CNGB1: variants seen among roughly 807,000 people sequenced by gnomAD.
CNGB1 encodes cyclic nucleotide-gated channel beta-1.
In CNGB1, 126 loss-of-function variants were observed where a neutral mutation model predicts 151.7. That is an observed-to-expected ratio of 0.83 (90% CI 0.72 to 0.96). CNGB1 has a LOEUF of 0.96. Among genes scored for constraint, CNGB1 ranks in the 40% least tolerant of loss-of-function variants. CNGB1 has a pLI of 0.00. For synonymous variants in CNGB1, 623 were observed against 635.1 expected, an observed-to-expected ratio of 0.98 and a Z score of 0.29; for missense variants, 1,698 against 1,627.0, an observed-to-expected ratio of 1.04 and a Z score of -0.75.
At chr16:57,908,209 G>A (rs1473634622) in intron 25 of CNGB1, among the ~76,000 whole-genome samples, 1 of 152,210 alleles carries the variant, frequency 6.6e-6, no homozygotes, top group African/African-American at 2.4e-5. Flanking sequence ...CTCTGTAAAG[G>A]CGTGGCTCCC....
intron 17 of CNGB1, among the ~76,000 whole-genome samples, chr16:57,924,559 T>C (rs1961133997): frequency 6.6e-6 from 1 of 152,118 alleles, no homozygotes; most frequent in Admixed American, 6.5e-5. Flanking sequence ...TCTGGGGACA[T>C]GGGTATGCAT....
rs564874122 is a variant in CNGB1, at chr16:57,940,263, C to T, written c.1180G>A (p.Gly394Arg). 1.3e-5 allele frequency: 20 copies of T among 1,577,578 alleles called. No homozygotes were observed. The highest frequency in any genetic ancestry group is 8.1e-5 in the South Asian group (7 of 86,026). ...QVGVGQSEED[G>R]TRPQSTSDQK... ...TCTGAAGTGCTCTGGGGCCGGGTCC[C>T]GTCTTCTTCACTCTGGCCCACGCCC... The change falls in exon 15 of 33, where the codon GGG (glycine) becomes AGG (arginine). Residue 394 changes from glycine (G) to arginine (R), a missense_variant. Physicochemically the swap from Gly to Arg is moderately radical, Grantham distance 125. Transcript: ENST00000251102.
chr16:57,966,854 C>A (rs576892314), intron 2 of CNGB1, among the ~76,000 whole-genome samples: 1 of 152,292 alleles, frequency 6.6e-6, no homozygotes, highest in Admixed American at 6.5e-5. Context: ...ACTATAATGG[C>A]AGAGTTGAGT....
intron 15 of CNGB1, 39 bp downstream of exon 15, chr16:57,940,195 C>G (rs1370394355): frequency 2.0e-6 from 3 of 1,535,362 alleles, no homozygotes; most frequent in Non-Finnish European, 2.6e-6. Context: ...CAATGCCAAG[C>G]CAGGCCTCAG....
intron 14 of CNGB1, among the ~76,000 whole-genome samples, chr16:57,944,948 CT>C (rs1371861303): frequency 2.6e-5 from 2 of 77,132 alleles, no homozygotes; most frequent in Admixed American, 1.6e-4. Flanking sequence ...GAGACTCTGT[CT>C]TTAAAAAAAA....
At chr16:57,905,803 T>C (rs1960534231) in intron 25 of CNGB1, among the ~76,000 whole-genome samples, 1 of 152,242 alleles carries the variant, frequency 6.6e-6, no homozygotes, top group African/African-American at 2.4e-5. Flanking sequence ...CTTCAAGACA[T>C]TGTCTTGGAA....
chr16:57,963,063 G>C lies in CNGB1; in HGVS notation c.292C>G (p.Pro98Ala), dbSNP rs570828500. 3.0e-5 allele frequency: 48 copies of C among 1,609,940 alleles called. No homozygotes were observed. The highest frequency in any genetic ancestry group is 4.2e-6 in the Non-Finnish European group (5 of 1,177,772). Residue 98 changes from proline (P) to alanine (A), a missense_variant and splice_region_variant, in exon 5 of 33, where the codon CCC (proline) becomes GCC (alanine). By Grantham distance (27) the Pro-to-Ala change is conservative. Coordinates refer to ENST00000251102, the MANE Select transcript of CNGB1 (RefSeq NM_001297.5). ...QGAEISEMNS[P>A]SRRVLTWLMK... Reference sequence around the variant, plus strand: ...AGCCAGGTCAGTACCCTGCGGCTGGGACTGCGATGGACAGAGACACCAGCC... The same window carrying C: ...AGCCAGGTCAGTACCCTGCGGCTGGCACTGCGATGGACAGAGACACCAGCC...
At chr16:57,960,407 C>G in intron 9 of CNGB1, 75 bp downstream of exon 9, 1 of 1,555,420 alleles carries the variant, frequency 6.4e-7, no homozygotes. Context: ...GGGGGATCCT[C>G]CAGGGCCCAG....
At chr16:57,954,679 A>G (rs989006928) in intron 12 of CNGB1, 3 of 984,514 alleles carry the variant, frequency 3.0e-6, no homozygotes, top group Non-Finnish European at 3.6e-6. Context: ...CACAGGTTTG[A>G]TGTGCTCATT....
Position 57,955,420 on chromosome 16 carries a change from A to ATGAG in CNGB1, c.874+1917_874+1920dup, listed in dbSNP as rs375159350. ...GTGGCTGGGTGGACAGGCGGAGGGA[A>ATGAG]TGAGTGAGTGAGTGAGTGAGTGGAT... On this transcript the variant is annotated intron_variant, in intron 12 of 32. Transcript: ENST00000251102. 1.4e-4 allele frequency: 207 copies of ATGAG among 1,434,658 alleles called. 1 individual carries two copies. Among genetic ancestry groups the ATGAG allele is most frequent in the Middle Eastern group, 7.2e-4 (4 of 5,572 alleles). 88.9% of individuals were successfully genotyped at this position (1,434,658 alleles called of 1,614,324 possible).
chr16:57,963,809 C>G (rs1215760500), intron 4 of CNGB1: 1 of 396,910 alleles, frequency 2.5e-6, no homozygotes, highest in Non-Finnish European at 4.6e-6. Context: ...AAGGGGCTAA[C>G]AGTCTAATGA....
In CNGB1 at chr16:57,912,801, T is replaced by C. The variant is rs1373754159; in HGVS notation, c.2369+129A>G. 7.8e-6 allele frequency: 7 copies of C among 893,838 alleles called. No homozygotes were observed. In the African/African-American group the frequency reaches 8.2e-5, roughly 11 times the overall value. 55.4% of individuals were successfully genotyped at this position (893,838 alleles called of 1,614,324 possible). A position where few individuals can be genotyped will look rare whatever the true frequency, so the allele number is the denominator to read the frequency against. On this transcript the variant is annotated intron_variant, in intron 24 of 32. Transcript: ENST00000251102. Reference sequence around the variant, plus strand: ...TGTGTGTGCATGTATGTGTGTATGTTGTGTGTGTGTTGTGTGTGTCGTGTG... The same window carrying C: ...TGTGTGTGCATGTATGTGTGTATGTCGTGTGTGTGTTGTGTGTGTCGTGTG...
chr16:57,941,836 T>TTTTA (rs201461156), intron 14 of CNGB1, among the ~76,000 whole-genome samples: 31 of 152,076 alleles, frequency 2.0e-4, no homozygotes, highest in East Asian at 1.4e-3. Flanking sequence ...TTCTTTTCCT[T>TTTTA]TTTATTTATT....
chr16:57,954,790 G>A (rs543456465), intron 12 of CNGB1: 1 of 989,550 alleles, frequency 1.0e-6, no homozygotes, highest in African/African-American at 1.7e-5. Context: ...AACCTCTTCT[G>A]GGAAAAACTG....
chr16:57,895,971 GAAT>G (rs1171911521), intron 31 of CNGB1, among the ~76,000 whole-genome samples: 2 of 152,260 alleles, frequency 1.3e-5, no homozygotes, highest in African/African-American at 2.4e-5. Flanking sequence ...ATTGAGAAAT[GAAT>G]AAACAAATGG....
intron 27 of CNGB1, among the ~76,000 whole-genome samples, chr16:57,902,934 C>G (rs966859509): frequency 5.3e-5 from 8 of 152,144 alleles, no homozygotes; most frequent in African/African-American, 1.9e-4. Flanking sequence ...CAAGAGGTGC[C>G]CTACTATAAT....
chr16:57,959,848 C>T, intron 10 of CNGB1, 40 bp downstream of exon 10: 1 of 1,466,608 alleles, frequency 6.8e-7, no homozygotes. Flanking sequence ...GGTGCTCATC[C>T]TGCTCCCTGG....
At chr16:57,953,509 A>AG (rs1555493102) in intron 12 of CNGB1, among the ~76,000 whole-genome samples, 19 of 151,322 alleles carry the variant, frequency 1.3e-4, no homozygotes, top group South Asian at 2.1e-4. Context: ...AAAAAAAAAA[A>AG]AAAGAAAGTC....
At position 57,909,594 on chromosome 16, in the gene CNGB1, G is replaced by A. The variant is rs1056591014; in HGVS notation, c.2492+2159C>T. Among the ~76,000 whole-genome samples the A allele has an allele frequency of 6.6e-5, 10 of 152,238 alleles. No homozygotes were observed. The South Asian group carries it at 8.3e-4, about 13-fold the overall frequency. ...AGTAGAGATGTGGTTTCGCCATGTC[G>A]ACTAGGCTGGTCTCAAACTCTTGGC... On this transcript the variant is annotated intron_variant, in intron 25 of 32. Coordinates refer to ENST00000251102, the MANE Select transcript of CNGB1 (RefSeq NM_001297.5).
Sources: gnomAD v4.1 joint callset for allele counts (sites outside exome capture counted in the v4.1 genomes callset) on GRCh38, gnomAD v4.1.1 for gene constraint, MANE v1.5 for transcripts, NCBI Gene and HGNC (gene_info 2026-07-23, HGNC 2026-07-21) for gene names.